The following DENND1B variants were observed in gnomAD, a reference collection of about 807,000 sequenced individuals.
DENND1B encodes DENN domain containing 1B.
A neutral mutation model predicts 90.1 loss-of-function variants in DENND1B; 59 were observed. The observed-to-expected ratio is 0.65, with a 90% CI of 0.53 to 0.81. The LOEUF is 0.81. Among genes scored for constraint, DENND1B ranks in the 40% least tolerant of loss-of-function variants. DENND1B has a pLI of 0.00. For missense variants in DENND1B, 862 were observed against 912.6 expected, an observed-to-expected ratio of 0.94 and a Z score of 0.71; for synonymous variants, 337 against 324.6, an observed-to-expected ratio of 1.04 and a Z score of -0.41.
intron 6 of DENND1B, 137 bp downstream of exon 6, chr1:197,658,163 T>C (rs1654039942): frequency 4.2e-6 from 3 of 717,766 alleles, no homozygotes; most frequent in Non-Finnish European, 7.4e-6. Flanking sequence ...GGAAAAAAGA[T>C]GTATGGTATT....
At chr1:197,773,679 C>CT (rs1317458363) in intron 1 of DENND1B, among the ~76,000 whole-genome samples, 7 of 152,174 alleles carry the variant, frequency 4.6e-5, no homozygotes, top group Non-Finnish European at 7.3e-5. Flanking sequence ...AAGTTATTGA[C>CT]TTTTTTACTA....
intron 20 of DENND1B, among the ~76,000 whole-genome samples, chr1:197,537,622 C>T (rs1558213500): frequency 6.6e-6 from 1 of 151,792 alleles, no homozygotes; most frequent in African/African-American, 2.4e-5. Flanking sequence ...GGGCAGTAAT[C>T]ATTTCGTTAT....
chr1:197,609,957 T>C (rs937720393), intron 12 of DENND1B, among the ~76,000 whole-genome samples: 7 of 150,676 alleles, frequency 4.6e-5, no homozygotes, highest in African/African-American at 1.7e-4. Flanking sequence ...GCATAAAAGC[T>C]AGAAATTTTA....
At chr1:197,555,085 G>T (rs975906746) in intron 15 of DENND1B, among the ~76,000 whole-genome samples, 3 of 151,926 alleles carry the variant, frequency 2.0e-5, no homozygotes, top group Non-Finnish European at 4.4e-5. Flanking sequence ...AATGGTGAAA[G>T]ACACCCTTTT....
chr1:197,650,412 TGGTG>T (rs978327252), intron 7 of DENND1B, among the ~76,000 whole-genome samples: 3 of 152,190 alleles, frequency 2.0e-5, no homozygotes, highest in Non-Finnish European at 4.4e-5. Flanking sequence ...TCTACACTGC[TGGTG>T]GGAATGCAAA....
At chr1:197,707,920 C>A (rs1258498024) in intron 3 of DENND1B, among the ~76,000 whole-genome samples, 1 of 151,408 alleles carries the variant, frequency 6.6e-6, no homozygotes, top group Non-Finnish European at 1.5e-5. Context: ...ACCTGGGAAG[C>A]GCAAGGGGTC....
chr1:197,752,735 T>C (rs1303840205), intron 2 of DENND1B, among the ~76,000 whole-genome samples: 1 of 151,996 alleles, frequency 6.6e-6, no homozygotes, highest in East Asian at 1.9e-4. Context: ...ATTGGTGTGC[T>C]GCACCCGTTA....
intron 13 of DENND1B, among the ~76,000 whole-genome samples, chr1:197,603,839 T>C (rs1352642102): frequency 6.6e-6 from 1 of 151,214 alleles, no homozygotes; most frequent in Non-Finnish European, 1.5e-5. Context: ...CTATATAGAT[T>C]TGGAATAGGA....
intron 13 of DENND1B, 36 bp downstream of exon 13, chr1:197,607,037 C>G: frequency 6.8e-7 from 1 of 1,471,710 alleles, no homozygotes; most frequent in Non-Finnish European, 9.4e-7. Context: ...CAGGAGAAAA[C>G]ATATATGTTC....
chr1:197,707,362 G>C (rs1187724097), intron 3 of DENND1B, among the ~76,000 whole-genome samples: 2 of 151,796 alleles, frequency 1.3e-5, no homozygotes, highest in African/African-American at 4.8e-5. Flanking sequence ...TAACACTGTA[G>C]GGTGATTATA....
intron 5 of DENND1B, among the ~76,000 whole-genome samples, chr1:197,668,404 C>T (rs767969702): frequency 2.3e-4 from 35 of 151,600 alleles, no homozygotes; most frequent in Non-Finnish European, 2.7e-4. Context: ...GGTAGTGGGA[C>T]AGAGAGGAGG....
intron 15 of DENND1B, among the ~76,000 whole-genome samples, chr1:197,562,104 T>C (rs1672217520): frequency 6.6e-6 from 1 of 151,944 alleles, no homozygotes; most frequent in Non-Finnish European, 1.5e-5. Context: ...CATACCCTGT[T>C]CTATCTACTT....
At chr1:197,520,090 C>T (rs993930395) in intron 20 of DENND1B, among the ~76,000 whole-genome samples, 5 of 151,842 alleles carry the variant, frequency 3.3e-5, no homozygotes, top group Non-Finnish European at 7.4e-5. Context: ...AGAAATCCAT[C>T]TAATCAAGAA....
chr1:197,627,460 C>T (rs545653252), intron 10 of DENND1B, among the ~76,000 whole-genome samples: 2 of 151,554 alleles, frequency 1.3e-5, no homozygotes, highest in East Asian at 3.9e-4. Flanking sequence ...CAGAAAAGGC[C>T]TTTGACAAAA....
chr1:197,751,471 A>G (rs1653493024), intron 2 of DENND1B, among the ~76,000 whole-genome samples: 1 of 152,216 alleles, frequency 6.6e-6, no homozygotes, highest in Admixed American at 6.5e-5. Flanking sequence ...TACATTAGAA[A>G]AAAAGAAAGG....
intron 15 of DENND1B, among the ~76,000 whole-genome samples, chr1:197,558,289 T>C (rs1671874345): frequency 6.6e-6 from 1 of 150,596 alleles, no homozygotes; most frequent in Non-Finnish European, 1.5e-5. Context: ...TTCATAGATA[T>C]TATCCCATAG....
intron 5 of DENND1B, among the ~76,000 whole-genome samples, chr1:197,669,952 T>C (rs1655322434): frequency 6.6e-6 from 1 of 152,120 alleles, no homozygotes; most frequent in Non-Finnish European, 1.5e-5. Context: ...CTTCAAAGAA[T>C]ATACCACAAA....
chr1:197,674,704 C>T (rs1655883558), intron 3 of DENND1B, among the ~76,000 whole-genome samples: 1 of 150,104 alleles, frequency 6.7e-6, no homozygotes, highest in African/African-American at 2.4e-5. Context: ...TTTCTATAGC[C>T]AAAGAAACAT....
chr1:197,609,223 A>C (rs936501591), intron 12 of DENND1B, among the ~76,000 whole-genome samples: 1 of 150,720 alleles, frequency 6.6e-6, no homozygotes, highest in Non-Finnish European at 1.5e-5. Context: ...GCTTATTAAG[A>C]ACAACTGTAA....
Sources: gnomAD v4.1 joint callset for allele counts (sites outside exome capture counted in the v4.1 genomes callset) on GRCh38, gnomAD v4.1.1 for gene constraint, MANE v1.5 for transcripts, NCBI Gene and HGNC (gene_info 2026-07-23, HGNC 2026-07-21) for gene names.